The following PDLIM1 variants were observed in gnomAD, a reference collection of about 807,000 sequenced individuals.
PDLIM1 encodes PDZ and LIM domain protein 1.
Under a neutral mutation model 35.2 loss-of-function variants are expected in PDLIM1, and 25 were observed. The ratio of observed to expected loss-of-function variants is 0.71; its 90% CI spans 0.52 to 0.99. The LOEUF (loss-of-function observed/expected upper bound fraction) is 0.99, where lower values mean the gene tolerates loss of function less well. Among genes scored for constraint, PDLIM1 ranks in the 50% least tolerant of loss-of-function variants. The pLI is 0.00. For synonymous variants in PDLIM1, 152 were observed against 154.0 expected (o/e 0.99, Z 0.10); for missense variants, 363 against 415.3 (o/e 0.87, Z 1.09).
intron 4 of PDLIM1, among the ~76,000 whole-genome samples, chr10:95,248,931 C>T (rs1260319428): frequency 6.6e-6 from 1 of 152,228 alleles, no homozygotes; most frequent in Admixed American, 6.5e-5. Flanking sequence ...CCTTCCTGAC[C>T]CCGACTCCAA....
chr10:95,278,456 G>T (rs570514552), intron 1 of PDLIM1, among the ~76,000 whole-genome samples: 1 of 152,306 alleles, frequency 6.6e-6, no homozygotes. Context: ...CTCCTGGGGG[G>T]AGACAAGCAT....
chr10:95,284,507 C>G (rs1241399313), intron 1 of PDLIM1, among the ~76,000 whole-genome samples: 2 of 152,102 alleles, frequency 1.3e-5, no homozygotes, highest in Admixed American at 1.3e-4. Flanking sequence ...GTGCCTGCCA[C>G]TACGCCTGGC....
intron 4 of PDLIM1, among the ~76,000 whole-genome samples, chr10:95,258,853 G>GA (rs979522932): frequency 2.6e-5 from 4 of 151,086 alleles, no homozygotes; most frequent in Admixed American, 2.0e-4. Flanking sequence ...CCATAAAACA[G>GA]AAAAAAAAGG....
chr10:95,283,981 C>CTCTCTG (rs143926521), intron 1 of PDLIM1, among the ~76,000 whole-genome samples: 80 of 150,322 alleles, frequency 5.3e-4, no homozygotes, highest in East Asian at 1.2e-3. Context: ...GCCTTTTTCT[C>CTCTCTG]TGTGTGTGTG....
chr10:95,290,715 CG>C lies in PDLIM1; in HGVS notation c.96+104del. On this transcript the variant is annotated intron_variant, in intron 1 of 6. Coordinates refer to ENST00000329399, the MANE Select transcript of PDLIM1 (RefSeq NM_020992.4). This position sits in a 1 kb window ranked among gnomAD's most constrained non-coding sequence, Gnocchi z 4.7. Reference sequence around the variant, plus strand: ...AACTAACAGCGCACCTGGACGCGCCCGGCTGCGGTTCCGACTCCGTCCCCGA... The same window carrying C: ...AACTAACAGCGCACCTGGACGCGCCCGCTGCGGTTCCGACTCCGTCCCCGA... 1 of 630,892 alleles carries C rather than the reference CG, an allele frequency of 1.6e-6. No homozygotes were observed. The highest frequency in any genetic ancestry group is 2.5e-6 in the Non-Finnish European group (1 of 401,388). The allele number at this position is 630,892 out of a possible 1,614,324, so 39.1% of individuals were successfully genotyped here. A position where few individuals can be genotyped will look rare whatever the true frequency, so the allele number is the denominator to read the frequency against.
At chr10:95,260,120 G>T (rs1462800619) in intron 4 of PDLIM1, among the ~76,000 whole-genome samples, 11 of 152,216 alleles carry the variant, frequency 7.2e-5, no homozygotes, top group Non-Finnish European at 1.6e-4. Flanking sequence ...CCTACCAGGG[G>T]CCAGGCACTG....
In PDLIM1 at chr10:95,247,260, T is replaced by C; in HGVS notation, c.640A>G (p.Thr214Ala). ...QELNEPPKQS[T>A]SFLVLQEILE... ...ATTTCCTGCAAAACCAAGAAAGACGTGGACTGTTTCGGGGGCTCATTCAAC... is the reference window on the plus strand; with the variant it reads ...ATTTCCTGCAAAACCAAGAAAGACGCGGACTGTTTCGGGGGCTCATTCAAC... Residue 214 changes from threonine to alanine, a missense_variant, in exon 5 of 7, where the codon ACG becomes GCG. Coordinates refer to ENST00000329399, the MANE Select transcript of PDLIM1 (RefSeq NM_020992.4). The C allele has an allele frequency of 4.3e-6, 7 of 1,614,106 alleles. No homozygotes were observed. The highest frequency in any genetic ancestry group is 1.3e-5 in the African/African-American group (1 of 75,052).
rs894820300 is a variant in PDLIM1, at chr10:95,263,803, G to A, written c.533+61C>T. On this transcript the variant is annotated intron_variant, in intron 4 of 6. Coordinates refer to ENST00000329399, the MANE Select transcript of PDLIM1 (RefSeq NM_020992.4). ...CTCTTGCACCTGCCTGGGCAGCCCT[G>A]GTCCTGATGTGAAAAGCCCCTCCCA... The A allele has an allele frequency of 2.2e-6, 3 of 1,349,100 alleles. No individual in the cohort carries two copies. In the South Asian group the frequency reaches 4.0e-5, roughly 18 times the overall value. The allele number at this position is 1,349,100 out of a possible 1,614,324, so 83.6% of individuals were successfully genotyped here.
intron 1 of PDLIM1, among the ~76,000 whole-genome samples, chr10:95,286,939 G>A (rs936897135): frequency 6.6e-6 from 1 of 152,142 alleles, no homozygotes; most frequent in Non-Finnish European, 1.5e-5. Flanking sequence ...TGACCCAGAC[G>A]CTTAGATGAC....
rs546110382 is a variant in PDLIM1 at position 95,240,762 on chromosome 10, T to C, written c.686-2077A>G. Among the ~76,000 whole-genome samples, 6 of 152,320 alleles carry C rather than the reference T, an allele frequency of 3.9e-5. No homozygotes were observed. In the South Asian group the frequency reaches 1.2e-3, roughly 32 times the overall value. On this transcript the variant is annotated intron_variant, in intron 5 of 6. Transcript: ENST00000329399. Reference sequence around the variant, plus strand: ...CAGCAGGCAGATAACAATCATCTCCTACAGAGCAGAGGAAGGAGCCTTTCT... The same window carrying C: ...CAGCAGGCAGATAACAATCATCTCCCACAGAGCAGAGGAAGGAGCCTTTCT...
chr10:95,254,538 A>G (rs1332371486), intron 4 of PDLIM1, among the ~76,000 whole-genome samples: 1 of 152,234 alleles, frequency 6.6e-6, no homozygotes, highest in African/African-American at 2.4e-5. Context: ...CACATTCACA[A>G]TTTTAGTTGA....
rs560303287 is a variant in PDLIM1 at position 95,276,860 on chromosome 10, C to G, written c.97-5076G>C. On this transcript the variant is annotated intron_variant, in intron 1 of 6. Transcript: ENST00000329399. ...TTTCCTCCTGACCATCAAGTTCCAT[C>G]AGAACCAGCTCATAATAGAGTCAGC... 1.5e-3 allele frequency among the ~76,000 whole-genome samples: 188 copies of G among 123,800 alleles called. 1 individual carries two copies. Among genetic ancestry groups the G allele is most frequent in the Non-Finnish European group, 2.6e-3 (165 of 62,830 alleles). The allele number at this position is 123,800 out of a possible 152,430, so 81.2% of individuals were successfully genotyped here.
At chr10:95,262,611 C>T (rs1049744649) in intron 4 of PDLIM1, among the ~76,000 whole-genome samples, 5 of 150,342 alleles carry the variant, frequency 3.3e-5, no homozygotes, top group African/African-American at 9.8e-5. Context: ...CCACCCAGCA[C>T]CCTTGTTTAC....
At chr10:95,289,888 C>G (rs2035636619) in intron 1 of PDLIM1, among the ~76,000 whole-genome samples, 1 of 152,228 alleles carries the variant, frequency 6.6e-6, no homozygotes, top group South Asian at 2.1e-4. Context: ...GGTGCCCAAG[C>G]ACTGAACGTG....
At chr10:95,267,783 T>C (rs1299324281) in intron 3 of PDLIM1, among the ~76,000 whole-genome samples, 1 of 152,212 alleles carries the variant, frequency 6.6e-6, no homozygotes, top group Non-Finnish European at 1.5e-5. Flanking sequence ...GTATTTTAAT[T>C]ACATCTTAAT....
intron 1 of PDLIM1, among the ~76,000 whole-genome samples, chr10:95,283,566 G>A (rs1242163121): frequency 3.3e-5 from 5 of 152,212 alleles, no homozygotes; most frequent in South Asian, 2.1e-4. Flanking sequence ...CTACGTGTGC[G>A]GAAAAAGTCT....
intron 1 of PDLIM1, among the ~76,000 whole-genome samples, chr10:95,286,186 A>G (rs1181395974): frequency 3.3e-5 from 5 of 152,076 alleles, no homozygotes; most frequent in African/African-American, 1.2e-4. Flanking sequence ...GCGAAACCCC[A>G]TCTCTACTAA....
chr10:95,288,096 C>T (rs564626461), intron 1 of PDLIM1, among the ~76,000 whole-genome samples: 1 of 152,228 alleles, frequency 6.6e-6, no homozygotes, highest in African/African-American at 2.4e-5. Context: ...TATTTCTTGA[C>T]TTGGGTAGTG....
At chr10:95,256,986 A>AAGAAAGAAAGAAAG (rs566598672) in intron 4 of PDLIM1, among the ~76,000 whole-genome samples, 8 of 61,666 alleles carry the variant, frequency 1.3e-4, no homozygotes, top group African/African-American at 2.0e-4. Flanking sequence ...AAAAAAAAAA[A>AAGAAAGAAAGAAAG]AAAGAAAGAA....
Sources: allele counts gnomAD v4.1 joint callset (sites outside exome capture counted in the v4.1 genomes callset), GRCh38; gene constraint gnomAD v4.1.1; non-coding constraint Gnocchi (gnomAD v3.1); transcripts MANE v1.5; gene names NCBI Gene and HGNC (gene_info 2026-07-23, HGNC 2026-07-21).